The following CTSZ variants were observed in gnomAD, a reference collection of about 807,000 sequenced individuals.
The protein encoded by CTSZ is carboxypeptidase LB.
CTSZ carries 39 observed loss-of-function variants against 32.4 expected under a neutral mutation model. The observed-to-expected ratio is 1.20, with a 90% confidence interval of 0.93 to 1.57. The LOEUF is 1.57. Among genes scored for constraint, CTSZ ranks in the 40% most tolerant of loss-of-function variants. The pLI is 0.00. For synonymous variants in CTSZ, 168 were observed against 170.1 expected (o/e 0.99, Z 0.10); for missense variants, 397 against 419.6 (o/e 0.95, Z 0.47).
chr20:59,006,174 G>A, intron 2 of CTSZ, 148 bp downstream of exon 2: 2 of 1,058,576 alleles, frequency 1.9e-6, no homozygotes, highest in Non-Finnish European at 2.7e-6. Context: ...GAGGGCAAAG[G>A]CCCGCGCTCC....
chr20:59,007,230 C>CAGGCCT lies in CTSZ; in HGVS notation c.-103_-102insAGGCCT. On this transcript the variant is annotated 5_prime_UTR_variant, in exon 1 of 6. Coordinates refer to ENST00000217131, the MANE Select transcript of CTSZ (RefSeq NM_001336.4). ...TCCCGCCCCGGCCTCGGCCTCGGCCCAGCACCCGGCCGACCCCGCACTTTG... is the reference window on the plus strand; with the variant it reads ...TCCCGCCCCGGCCTCGGCCTCGGCCCAGGCCTAGCACCCGGCCGACCCCGCACTTTG... 1 of 1,262,666 alleles carries CAGGCCT rather than the reference C, an allele frequency of 7.9e-7. No individual in the cohort carries two copies. Among genetic ancestry groups the CAGGCCT allele is most frequent in the Middle Eastern group, 3.1e-4 (1 of 3,248 alleles). The allele number at this position is 1,262,666 out of a possible 1,614,324, so 78.2% of individuals were successfully genotyped here.
intron 2 of CTSZ, among the ~76,000 whole-genome samples, 173 bp from the exon 3 acceptor site, chr20:59,001,817 T>C (rs768098844): frequency 1.3e-5 from 2 of 152,228 alleles, no homozygotes; most frequent in Non-Finnish European, 2.9e-5. Context: ...AGGTCTCCGC[T>C]CAGACGTCGC....
chr20:59,000,172 G>T (rs961044839), intron 3 of CTSZ, among the ~76,000 whole-genome samples: 1 of 152,074 alleles, frequency 6.6e-6, no homozygotes, highest in African/African-American at 2.4e-5. Context: ...GAGGTTGGGA[G>T]TTTAAGACCA....
Position 59,004,571 on chromosome 20 carries a change from G to A in CTSZ, c.307+1751C>T, listed in dbSNP as rs1383354979. 6.6e-6 allele frequency among the ~76,000 whole-genome samples: 1 copy of A among 152,074 alleles called. No homozygotes were observed. Among genetic ancestry groups the A allele is most frequent in the Non-Finnish European group, 1.5e-5 (1 of 67,984 alleles). ...GGAGCCCAGAATTGGGGCGGGGTGG[G>A]GCCGGGGGCTTTGTGTTCCTTTTTT... is the stretch of plus-strand genomic sequence containing the variant. On this transcript the variant is annotated intron_variant, in intron 2 of 5. Coordinates refer to ENST00000217131, the MANE Select transcript of CTSZ (RefSeq NM_001336.4). This position sits in a 1 kb window ranked among gnomAD's most constrained non-coding sequence, Gnocchi z 5.6.
At chr20:59,003,096 A>G (rs574436970) in intron 2 of CTSZ, among the ~76,000 whole-genome samples, 1 of 152,216 alleles carries the variant, frequency 6.6e-6, no homozygotes, top group African/African-American at 2.4e-5. Flanking sequence ...CTCCGGCAGC[A>G]GTCAGCACAG....
rs929980752 is a variant in CTSZ at position 58,999,981 on chromosome 20, G to A, written c.487+1484C>T. On this transcript the variant is annotated intron_variant, in intron 3 of 5. Coordinates refer to ENST00000217131, the MANE Select transcript of CTSZ (RefSeq NM_001336.4). Reference sequence around the variant, plus strand: ...CTACTCCGGAGGCTGAGGCAGGAGAGTGGCGTGAACCCGGGAGGCGGAGCT... The same window carrying A: ...CTACTCCGGAGGCTGAGGCAGGAGAATGGCGTGAACCCGGGAGGCGGAGCT... Among the ~76,000 whole-genome samples the A allele has an allele frequency of 7.4e-4, 113 of 151,828 alleles. 1 individual carries two copies. Among genetic ancestry groups the A allele is most frequent in the Admixed American group, 1.2e-3 (19 of 15,266 alleles).
intron 2 of CTSZ, 106 bp downstream of exon 2, chr20:59,006,216 G>T: frequency 7.1e-7 from 1 of 1,405,092 alleles, no homozygotes; most frequent in Non-Finnish European, 9.5e-7. Flanking sequence ...AGGCTGACCT[G>T]GCCTTGAATC....
chr20:59,001,128 G>A (rs752165570), intron 3 of CTSZ, among the ~76,000 whole-genome samples: 1 of 152,270 alleles, frequency 6.6e-6, no homozygotes, highest in South Asian at 2.1e-4. Flanking sequence ...CGCGCGCATG[G>A]CCAAGGATGC....
In CTSZ at chr20:59,007,008, C is replaced by G. The variant is rs1455674057; in HGVS notation, c.121G>C (p.Gly41Arg). The change falls in exon 1 of 6, where the codon GGG becomes CGG. Residue 41 changes from glycine (G) to arginine (R), a missense_variant. Coordinates refer to ENST00000217131, the MANE Select transcript of CTSZ (RefSeq NM_001336.4). ...QTCYRPLRGDGLAPLGRSTYP... is the reference protein window; with the variant it reads ...QTCYRPLRGDRLAPLGRSTYP... ...CACCTGCGCCCCAGCGGAGCCAGCC[C>G]GTCCCCCCGCAGAGGCCGGTAGCAG... 6.8e-7 allele frequency: 1 copy of G among 1,469,844 alleles called. No individual in the cohort carries two copies. 91.1% of individuals were successfully genotyped at this position (1,469,844 alleles called of 1,614,324 possible).
chr20:59,003,795 G>C (rs1034102576), intron 2 of CTSZ, among the ~76,000 whole-genome samples: 5 of 152,272 alleles, frequency 3.3e-5, no homozygotes, highest in African/African-American at 7.2e-5. Flanking sequence ...GGGGAGCAAG[G>C]GCGGACTGGG....
chr20:58,998,937 C>T (rs2091875233), intron 3 of CTSZ, among the ~76,000 whole-genome samples: 2 of 152,336 alleles, frequency 1.3e-5, no homozygotes, highest in African/African-American at 4.8e-5. Flanking sequence ...CACCAAGTGC[C>T]CAGTGCCCAG....
chr20:59,006,894 G>T, intron 1 of CTSZ, 92 bp downstream of exon 1: 2 of 1,140,284 alleles, frequency 1.8e-6, no homozygotes, highest in South Asian at 2.1e-5. Flanking sequence ...AAGGCCTGTT[G>T]GCGACGCAGG....
chr20:58,997,921 C>T (rs1487280245), intron 3 of CTSZ, among the ~76,000 whole-genome samples, 168 bp from the exon 4 acceptor site: 1 of 152,166 alleles, frequency 6.6e-6, no homozygotes, highest in African/African-American at 2.4e-5. Context: ...CTTCTTTCAG[C>T]TGCCAGGGAG....
In CTSZ at chr20:58,997,662, G is replaced by T. The variant is rs753359377; in HGVS notation, c.579C>A (p.Tyr193Ter). The change falls in exon 4 of 6, where the codon TAC becomes TAA. Residue 193 changes from tyrosine (Y) to a stop codon, truncating the protein, a stop_gained. Coordinates refer to ENST00000217131, the MANE Select transcript of CTSZ (RefSeq NM_001336.4). LOFTEE classifies it high-confidence loss of function. ...RNYTLWRVGD[Y>*]GSLSGREKMM... is the part of the protein sequence containing the mutation. ...TCTTCTCCCTCCCAGAGAGGGAGCC[G>T]TAGTCTCCCACCCTCCAGAGGGTGT... The T allele has an allele frequency of 1.9e-6, 3 of 1,608,778 alleles. No homozygotes were observed. The East Asian group carries it at 6.7e-5, about 36-fold the overall frequency.
In CTSZ at chr20:58,995,238, ACTCC is replaced by A. The variant is rs902436727; in HGVS notation, c.*407_*410del. The A allele has an allele frequency of 1.8e-5, 3 of 165,414 alleles. No individual in the cohort carries two copies. Among genetic ancestry groups the A allele is most frequent in the African/African-American group, 4.8e-5 (2 of 41,462 alleles). 10.2% of individuals were successfully genotyped at this position (165,414 alleles called of 1,614,324 possible). A position where few individuals can be genotyped will look rare whatever the true frequency, so the allele number is the denominator to read the frequency against. ...TCACTTGGGCGATTTGAAACTGCCA[ACTCC>A]CTCCCTCCCTCCCCCACCCTTGATT... On this transcript the variant is annotated 3_prime_UTR_variant, in exon 6 of 6. Coordinates refer to ENST00000217131, the MANE Select transcript of CTSZ (RefSeq NM_001336.4).
At chr20:58,997,794 C>T (rs1601223723) in intron 3 of CTSZ, 41 bp from the exon 4 acceptor site, 3 of 1,532,170 alleles carry the variant, frequency 2.0e-6, no homozygotes, top group Non-Finnish European at 2.6e-6. Flanking sequence ...GCCGTCTCCT[C>T]ATCAACCCAC....
intron 3 of CTSZ, among the ~76,000 whole-genome samples, chr20:59,000,008 G>A (rs968369566): frequency 5.6e-4 from 84 of 150,676 alleles, no homozygotes; most frequent in Admixed American, 1.6e-3. Context: ...GGCGGAGCTT[G>A]CAGTGAGCCG....
chr20:58,999,572 C>T (rs1568682432), intron 3 of CTSZ, among the ~76,000 whole-genome samples: 1 of 152,046 alleles, frequency 6.6e-6, no homozygotes, highest in African/African-American at 2.4e-5. Flanking sequence ...TCTGGCTGAA[C>T]AATAAGGCCT....
chr20:59,001,710 G>A, intron 2 of CTSZ, 66 bp from the exon 3 acceptor site: 1 of 1,537,410 alleles, frequency 6.5e-7, no homozygotes, highest in East Asian at 2.3e-5. Flanking sequence ...GAACGGACCT[G>A]GACGCCTCAG....
Sources: gnomAD v4.1 joint callset for allele counts (sites outside exome capture counted in the v4.1 genomes callset) on GRCh38, gnomAD v4.1.1 for gene constraint, Gnocchi (gnomAD v3.1) non-coding constraint, MANE v1.5 for transcripts, NCBI Gene and HGNC (gene_info 2026-07-23, HGNC 2026-07-21) for gene names.